Variants in DHODH observed in about 807,000 individuals in gnomAD.
DHODH encodes dihydroorotate dehydrogenase (quinone).
In DHODH, 30 loss-of-function variants were observed where a neutral mutation model predicts 39.7. The ratio of observed to expected loss-of-function variants is 0.76; its 90% CI spans 0.57 to 1.02. The LOEUF (loss-of-function observed/expected upper bound fraction) is 1.02, where lower values mean the gene tolerates loss of function less well. Ranked by LOEUF, DHODH falls within the 50% of genes least tolerant of loss-of-function variation. The pLI is 0.00. For missense variants in DHODH, 531 were observed against 520.8 expected, an observed-to-expected ratio of 1.02 and a Z score of -0.19; for synonymous variants, 222 against 213.8, an observed-to-expected ratio of 1.04 and a Z score of -0.34.
Position 72,021,315 on chromosome 16 carries a change from G to A in DHODH, c.705+4G>A. 1 of 1,599,704 alleles carries A rather than the reference G, an allele frequency of 6.3e-7. No homozygotes were observed. On this transcript the variant is annotated splice_donor_region_variant and intron_variant, in intron 5 of 8. Transcript: ENST00000219240. ...GCTGCGCCGCCTGCTGACCAAGGTGGGCAGCTGCACCCCTCTCCAGGCCCT... is the reference window on the plus strand; with the variant it reads ...GCTGCGCCGCCTGCTGACCAAGGTGAGCAGCTGCACCCCTCTCCAGGCCCT...
chr16:72,011,924 G>A lies in DHODH; in HGVS notation c.22-126G>A, dbSNP rs928934986. 3.4e-4 allele frequency: 237 copies of A among 705,426 alleles called. 2 individuals carry two copies. Among genetic ancestry groups the A allele is most frequent in the South Asian group, 1.7e-3 (105 of 60,058 alleles). The allele number at this position is 705,426 out of a possible 1,614,324, so 43.7% of individuals were successfully genotyped here. A position where few individuals can be genotyped will look rare whatever the true frequency, so the allele number is the denominator to read the frequency against. On this transcript the variant is annotated intron_variant, in intron 1 of 8. Coordinates refer to ENST00000219240, the MANE Select transcript of DHODH (RefSeq NM_001361.5). ...TCTGACTGTAGAGACCAGTGTCAGC[G>A]GAAGGCTAAGGGCGTCTGTTTCATG...
intron 1 of DHODH, among the ~76,000 whole-genome samples, chr16:72,010,185 G>A (rs2041067724): frequency 6.6e-6 from 1 of 152,102 alleles, no homozygotes; most frequent in Admixed American, 6.6e-5. Context: ...CTCCTGCCTC[G>A]TCTTAAGCCT....
chr16:72,008,854 G>A, intron 1 of DHODH, 69 bp downstream of exon 1: 2 of 1,551,434 alleles, frequency 1.3e-6, no homozygotes, highest in Non-Finnish European at 1.7e-6. Flanking sequence ...GGAGAGTCAG[G>A]CCGGGCGAGG....
rs936867357 is a variant in DHODH, at chr16:72,012,214, C to T, written c.186C>T (p.Thr62=). ...CCCACAGACTGGCTGTTCGCTTCAC[C>T]TCCCTGGGGCTCCTTCCACGGGCCA... ...ESAHRLAVRF[T]SLGLLPRARF... Residue 62 remains threonine (T), a synonymous_variant, in exon 2 of 9, where the codon ACC becomes ACT. Coordinates refer to ENST00000219240, the MANE Select transcript of DHODH (RefSeq NM_001361.5). 1 of 1,614,042 alleles carries T rather than the reference C, an allele frequency of 6.2e-7. No homozygotes were observed. Among genetic ancestry groups the T allele is most frequent in the Non-Finnish European group, 8.5e-7 (1 of 1,180,034 alleles).
At chr16:72,022,062 C>A (rs1301055908) in intron 5 of DHODH, among the ~76,000 whole-genome samples, 1 of 149,748 alleles carries the variant, frequency 6.7e-6, no homozygotes, top group Non-Finnish European at 1.5e-5. Flanking sequence ...CTACTACACT[C>A]CAGTGTGGGT....
intron 4 of DHODH, among the ~76,000 whole-genome samples, chr16:72,019,884 G>C (rs2041184578): frequency 6.6e-6 from 1 of 152,222 alleles, no homozygotes; most frequent in Admixed American, 6.5e-5. Flanking sequence ...GCTCACGCCT[G>C]TAATCCTAAC....
intron 4 of DHODH, among the ~76,000 whole-genome samples, chr16:72,019,075 C>G (rs1236726661): frequency 6.6e-6 from 1 of 152,190 alleles, no homozygotes; most frequent in African/African-American, 2.4e-5. Flanking sequence ...CCTTTCTCAG[C>G]CTCCCAAGTA....
At chr16:72,017,241 C>T in intron 4 of DHODH, 135 bp downstream of exon 4, 3 of 894,726 alleles carry the variant, frequency 3.4e-6, no homozygotes, top group Middle Eastern at 2.2e-4. Context: ...GACACCTCTC[C>T]TAGAGCGATT....
At chr16:72,021,590 G>A (rs1403495852) in intron 5 of DHODH, among the ~76,000 whole-genome samples, 2 of 152,178 alleles carry the variant, frequency 1.3e-5, no homozygotes, top group Middle Eastern at 3.2e-3. Context: ...TGACCCTAGC[G>A]CCCAGAGCTC....
chr16:72,009,167 G>C, intron 1 of DHODH: 21 of 1,107,796 alleles, frequency 1.9e-5, no homozygotes, highest in Non-Finnish European at 2.3e-5. Context: ...TGTTAGGGGC[G>C]GGGGTCTCTG....
In DHODH at chr16:72,012,087, G is replaced by A; in HGVS notation, c.59G>A (p.Gly20Glu). Residue 20 changes from glycine to glutamate, a missense_variant, in exon 2 of 9, where the codon GGA becomes GAA. Coordinates refer to ENST00000219240, the MANE Select transcript of DHODH (RefSeq NM_001361.5). ...AQDAVIILGG[G>E]GLLFASYLMA... The stretch of plus-strand genomic sequence containing the variant: ...GATGCTGTGATCATCCTGGGGGGAG[G>A]AGGACTTCTCTTCGCCTCCTACCTG... 3 of 1,614,138 alleles carry A rather than the reference G, an allele frequency of 1.9e-6. No homozygotes were observed. The highest frequency in any genetic ancestry group is 1.1e-5 in the South Asian group (1 of 91,084).
At position 72,024,256 on chromosome 16, in the gene DHODH, T is replaced by C. The variant is rs1165440838; in HGVS notation, c.*57T>C. The C allele has an allele frequency of 6.3e-7, 1 of 1,588,652 alleles. No individual in the cohort carries two copies. The highest frequency in any genetic ancestry group is 8.6e-7 in the Non-Finnish European group (1 of 1,157,794). ...ACCTTCCCAAGGACTCAGGCAAGCC[T>C]TTGTGGCTGGATCATGAGAGGAGGG... On this transcript the variant is annotated 3_prime_UTR_variant, in exon 9 of 9. Coordinates refer to ENST00000219240, the MANE Select transcript of DHODH (RefSeq NM_001361.5).
At chr16:72,015,588 C>G in intron 3 of DHODH, 1 of 664,376 alleles carries the variant, frequency 1.5e-6, no homozygotes, top group Non-Finnish European at 1.9e-6. Flanking sequence ...ACCTGTAGGA[C>G]ATTTACTTGG....
In DHODH at chr16:72,023,194, C is replaced by T. The variant is rs759237951; in HGVS notation, c.849C>T (p.Asn283=). The change falls in exon 7 of 9, where the codon AAC becomes AAT. Residue 283 remains asparagine (N), a synonymous_variant. Transcript: ENST00000219240. ...GCATCGATGGGCTGATTGTTACGAA[C>T]ACCACCGTGAGTCGCCCTGCGGGCC... ...ELGIDGLIVT[N]TTVSRPAGLQ... is the part of the protein sequence containing the mutation. 1 of 1,614,192 alleles carries T rather than the reference C, an allele frequency of 6.2e-7. No individual in the cohort carries two copies. Among genetic ancestry groups the T allele is most frequent in the South Asian group, 1.1e-5 (1 of 91,076 alleles).
At chr16:72,014,701 G>T in intron 3 of DHODH, 29 bp downstream of exon 3, 1 of 1,611,156 alleles carries the variant, frequency 6.2e-7, no homozygotes, top group Non-Finnish European at 8.5e-7. Context: ...GTTAACGGGG[G>T]ATGCCCTCTT....
In DHODH at chr16:72,027,009, G is replaced by GTTT. The variant is rs1230140169; in HGVS notation, c.*2813_*2815dup. On this transcript the variant is annotated 3_prime_UTR_variant, in exon 9 of 9. Coordinates refer to ENST00000219240, the MANE Select transcript of DHODH (RefSeq NM_001361.5). ...TGTGTGTGTGTGTGTGTGTGTGTGT[G>GTTT]TTTTTGAGATGGAGTCCTGCTCTGT... 8 of 69,680 alleles carry GTTT rather than the reference G, an allele frequency of 1.1e-4. No homozygotes were observed. The highest frequency in any genetic ancestry group is 4.2e-4 in the African/African-American group (8 of 19,132). The allele number at this position is 69,680 out of a possible 1,614,324, so 4.3% of individuals were successfully genotyped here. A position where few individuals can be genotyped will look rare whatever the true frequency, so the allele number is the denominator to read the frequency against.
At position 72,023,523 on chromosome 16, in the gene DHODH, G is replaced by T; in HGVS notation, c.1023G>T (p.Ala341=). 6.2e-7 allele frequency: 1 copy of T among 1,614,088 alleles called. No individual in the cohort carries two copies. The highest frequency in any genetic ancestry group is 8.5e-7 in the Non-Finnish European group (1 of 1,180,026). Residue 341 remains alanine, a synonymous_variant, in exon 8 of 9, where the codon GCG becomes GCT. Coordinates refer to ENST00000219240, the MANE Select transcript of DHODH (RefSeq NM_001361.5). The part of the protein sequence containing the change: ...GVGGVSSGQD[A]LEKIRAGASL... The stretch of plus-strand genomic sequence containing the variant: ...GTGGTGTGAGCAGCGGGCAGGACGC[G>T]CTGGAGAAGATCCGGGCAGGGGCCT...
Position 72,023,571 on chromosome 16 carries a change from C to T in DHODH, c.1071C>T (p.Ala357=). The T allele has an allele frequency of 6.2e-7, 1 of 1,614,074 alleles. No individual in the cohort carries two copies. Among genetic ancestry groups the T allele is most frequent in the Non-Finnish European group, 8.5e-7 (1 of 1,180,040 alleles). ...CCTCCCTGGTGCAGCTGTACACGGCCCTCACCTTCTGGGGGCCACCCGTTG... is the reference window on the plus strand; with the variant it reads ...CCTCCCTGGTGCAGCTGTACACGGCTCTCACCTTCTGGGGGCCACCCGTTG... ...AGASLVQLYT[A]LTFWGPPVVG... Residue 357 remains alanine, a synonymous_variant, in exon 8 of 9, where the codon GCC becomes GCT. Transcript: ENST00000219240.
At chr16:72,020,440 G>A (rs901489369) in intron 4 of DHODH, 3 of 147,356 alleles carry the variant, frequency 2.0e-5, no homozygotes, top group East Asian at 2.0e-4. Context: ...GCAGTGGCGC[G>A]ATCACGGTTC....
Sources: gnomAD v4.1 joint callset for allele counts (sites outside exome capture counted in the v4.1 genomes callset) on GRCh38, gnomAD v4.1.1 for gene constraint, MANE v1.5 for transcripts, NCBI Gene and HGNC (gene_info 2026-07-23, HGNC 2026-07-21) for gene names.